MGAT4C: variants seen among roughly 807,000 people sequenced by gnomAD.
MGAT4C encodes the protein MGAT4 family member C, also known as alpha-1,3-mannosyl-glycoprotein 4-beta-N-acetylglucosaminyltransferase C.
MGAT4C carries 19 observed loss-of-function variants against 40.1 expected under a neutral mutation model. The observed-to-expected ratio is 0.47, with a 90% CI of 0.33 to 0.70. MGAT4C has a LOEUF of 0.70. Among genes scored for constraint, MGAT4C ranks in the 30% least tolerant of loss-of-function variants. The pLI is 0.02. For missense variants in MGAT4C, 491 were observed against 563.2 expected (o/e 0.87, Z 1.30); for synonymous variants, 181 against 187.1 (o/e 0.97, Z 0.27).
chr12:86,392,023 A>G lies in MGAT4C; in HGVS notation c.-120+43134T>C, dbSNP rs950070868. On this transcript the variant is annotated intron_variant, in intron 3 of 7. Coordinates refer to the MGAT4C transcript ENST00000548651. Reference sequence around the variant, plus strand: ...TTACTGATGAGATGAGGATAATAATACCCTGCCTTATAGGATTGTGGTGAT... The same window carrying G: ...TTACTGATGAGATGAGGATAATAATGCCCTGCCTTATAGGATTGTGGTGAT... 2.0e-5 allele frequency among the ~76,000 whole-genome samples: 3 copies of G among 152,090 alleles called. No homozygotes were observed. The East Asian group carries it at 5.8e-4, about 29-fold the overall frequency.
chr12:86,485,840 T>C (rs889875162), intron 2 of MGAT4C, among the ~76,000 whole-genome samples: 1 of 152,056 alleles, frequency 6.6e-6, no homozygotes, highest in African/African-American at 2.4e-5. Context: ...AGGGTTGGGT[T>C]ACTTACAAAG....
intron 3 of MGAT4C, among the ~76,000 whole-genome samples, chr12:86,349,908 A>T (rs1313254971): frequency 6.6e-6 from 1 of 152,050 alleles, no homozygotes; most frequent in African/African-American, 2.4e-5. Context: ...AATTTATTCC[A>T]AATATAATTT....
At position 86,139,171 on chromosome 12, in the gene MGAT4C, TTAAG is replaced by T. The variant is rs796347700; in HGVS notation, c.-56-89452_-56-89449del. Among the ~76,000 whole-genome samples the T allele has an allele frequency of 1.9e-4, 29 of 152,290 alleles. 1 individual carries two copies. The highest frequency in any genetic ancestry group is 6.7e-4 in the African/African-American group (28 of 41,562). On this transcript the variant is annotated intron_variant, in intron 1 of 4. Coordinates refer to ENST00000611864, the MANE Select transcript of MGAT4C (RefSeq NM_001351288.2). Reference sequence around the variant, plus strand: ...CTATGATGTGTTTTACAGTGTTTTATTAAGTATTTAGAAATTATAAAAATCATTA... The same window carrying T: ...CTATGATGTGTTTTACAGTGTTTTATTATTTAGAAATTATAAAAATCATTA...
chr12:86,378,018 T>C (rs1220541263), intron 3 of MGAT4C, among the ~76,000 whole-genome samples: 1 of 152,178 alleles, frequency 6.6e-6, no homozygotes, highest in Non-Finnish European at 1.5e-5. Flanking sequence ...TATTCAACCA[T>C]GTGGTATTAT....
intron 2 of MGAT4C, among the ~76,000 whole-genome samples, chr12:86,665,429 T>C (rs1352856958): frequency 6.6e-6 from 1 of 151,884 alleles, no homozygotes. Flanking sequence ...TCGGCTGGAG[T>C]GCAGTGGCGT....
chr12:86,729,356 A>C (rs1950873436), intron 1 of MGAT4C, among the ~76,000 whole-genome samples: 1 of 152,132 alleles, frequency 6.6e-6, no homozygotes, highest in African/African-American at 2.4e-5. Context: ...TGTATCCACA[A>C]AAATTTAAAA....
chr12:86,352,400 T>C (rs1955181409), intron 3 of MGAT4C, among the ~76,000 whole-genome samples: 1 of 152,086 alleles, frequency 6.6e-6, no homozygotes, highest in African/African-American at 2.4e-5. Context: ...AAAATAATTC[T>C]CCTTCCCATC....
At chr12:86,754,024 G>T (rs571999129) in intron 1 of MGAT4C, among the ~76,000 whole-genome samples, 1 of 152,120 alleles carries the variant, frequency 6.6e-6, no homozygotes, top group Non-Finnish European at 1.5e-5. Flanking sequence ...TATTTATATA[G>T]AGAGACTTGT....
intron 2 of MGAT4C, among the ~76,000 whole-genome samples, chr12:86,726,733 G>T (rs1447333980): frequency 6.6e-6 from 1 of 151,956 alleles, no homozygotes; most frequent in East Asian, 1.9e-4. Flanking sequence ...AAAAAGTGTG[G>T]TAGTTACATA....
At chr12:86,215,015 T>TTGA (rs1950615091) in intron 1 of MGAT4C, among the ~76,000 whole-genome samples, 1 of 152,138 alleles carries the variant, frequency 6.6e-6, no homozygotes, top group Non-Finnish European at 1.5e-5. Flanking sequence ...CTTCACAGGG[T>TTGA]CTTCTTGACT....
chr12:86,528,465 C>G (rs1173985244), intron 2 of MGAT4C, among the ~76,000 whole-genome samples: 1 of 151,870 alleles, frequency 6.6e-6, no homozygotes, highest in Non-Finnish European at 1.5e-5. Flanking sequence ...CTTTCTTCTT[C>G]CTATGTACTT....
chr12:86,513,606 G>A (rs1012343134), intron 2 of MGAT4C, among the ~76,000 whole-genome samples: 1 of 152,224 alleles, frequency 6.6e-6, no homozygotes, highest in East Asian at 1.9e-4. Context: ...TATAGTGCCA[G>A]AACAACTGAA....
intron 4 of MGAT4C, among the ~76,000 whole-genome samples, chr12:85,981,905 G>T (rs1000335104): frequency 6.6e-6 from 1 of 152,082 alleles, no homozygotes; most frequent in Admixed American, 6.5e-5. Context: ...AATCAGTAAT[G>T]TTCAAGCAAA....
chr12:86,502,864 CATATATATATATATATGAGTTCTGCTCAT>C lies in MGAT4C; in HGVS notation c.-228-67628_-228-67600del, dbSNP rs1958381715. Among the ~76,000 whole-genome samples, 7 of 54,050 alleles carry C rather than the reference CATATATATATATATATGAGTTCTGCTCAT, an allele frequency of 1.3e-4. 1 individual carries two copies. Among genetic ancestry groups the C allele is most frequent in the South Asian group, 6.3e-4 (1 of 1,576 alleles). The allele number at this position is 54,050 out of a possible 152,430, so 35.5% of individuals were successfully genotyped here. ...CTCATATATATATATGAGTTCTGCT[CATATATATATATATATGAGTTCTGCTCAT>C]ATATATATATATATGAGTTCTGCTC... On this transcript the variant is annotated intron_variant, in intron 2 of 7. Transcript: ENST00000548651.
intron 2 of MGAT4C, among the ~76,000 whole-genome samples, chr12:86,619,948 T>C (rs1020742099): frequency 5.3e-5 from 8 of 152,166 alleles, no homozygotes; most frequent in African/African-American, 1.9e-4. Context: ...TGATATGTAA[T>C]TGTTGAAGAA....
At chr12:86,521,178 T>C (rs533394465) in intron 2 of MGAT4C, among the ~76,000 whole-genome samples, 1 of 152,330 alleles carries the variant, frequency 6.6e-6, no homozygotes, top group East Asian at 1.9e-4. Flanking sequence ...GCCTAGGTTG[T>C]CTTCAAGGGT....
At chr12:86,456,576 T>G (rs909993103) in intron 2 of MGAT4C, among the ~76,000 whole-genome samples, 2 of 152,142 alleles carry the variant, frequency 1.3e-5, no homozygotes, top group African/African-American at 4.8e-5. Context: ...AGTTTTTTCA[T>G]TATAGAATAT....
chr12:86,616,087 T>C (rs1198825135), intron 2 of MGAT4C, among the ~76,000 whole-genome samples: 3 of 152,122 alleles, frequency 2.0e-5, no homozygotes, highest in African/African-American at 7.2e-5. Context: ...ATGTACACAA[T>C]GCCTTGAGTG....
chr12:86,339,877 G>C (rs143957261), intron 3 of MGAT4C, among the ~76,000 whole-genome samples: 1 of 152,052 alleles, frequency 6.6e-6, no homozygotes, highest in Non-Finnish European at 1.5e-5. Flanking sequence ...TCTTAGATTG[G>C]TAGCTCTTTC....
Sources: gnomAD v4.1 joint callset for allele counts (sites outside exome capture counted in the v4.1 genomes callset) on GRCh38, gnomAD v4.1.1 for gene constraint, MANE v1.5 for transcripts, NCBI Gene and HGNC (gene_info 2026-07-23, HGNC 2026-07-21) for gene names.